FOCAD: variants seen among roughly 807,000 people sequenced by gnomAD.
FOCAD encodes the protein KIAA1797.
In FOCAD, 198 loss-of-function variants were observed where a neutral mutation model predicts 225.6. The ratio of observed to expected loss-of-function variants is 0.88; its 90% CI spans 0.78 to 0.99. FOCAD has a LOEUF of 0.99. Among genes scored for constraint, FOCAD ranks in the 50% least tolerant of loss-of-function variants. The probability of loss-of-function intolerance (pLI) is 0.00; values close to 1 mark genes in which losing one functional copy is unlikely to be tolerated. For synonymous variants in FOCAD, 897 were observed against 755.0 expected (o/e 1.19, Z -3.08); for missense variants, 2,713 against 2,123.6 (o/e 1.28, Z -5.46).
intron 26 of FOCAD, among the ~76,000 whole-genome samples, chr9:20,928,292 ATG>A (rs1554727916): frequency 2.0e-5 from 3 of 152,144 alleles, no homozygotes; most frequent in Non-Finnish European, 4.4e-5. Context: ...ACTTTATTTC[ATG>A]TGTGCTACCA....
upstream of FOCAD, among the ~76,000 whole-genome samples, chr9:20,682,371 A>C (rs28661949): frequency 0.037 from 5,590 of 152,282 alleles, 358 homozygotes; most frequent in African/African-American, 0.13. Context: ...TTACTCATTG[A>C]GCACCAGGGT....
chr9:20,946,825 G>T lies in FOCAD; in HGVS notation c.3675+5G>T. 1 of 1,613,194 alleles carries T rather than the reference G, an allele frequency of 6.2e-7. No homozygotes were observed. Among genetic ancestry groups the T allele is most frequent in the South Asian group, 1.1e-5 (1 of 91,000 alleles). On this transcript the variant is annotated splice_donor_5th_base_variant and intron_variant, in intron 30 of 43. Coordinates refer to ENST00000338382, the MANE Select transcript of FOCAD (RefSeq NM_001375567.1). ...TTAGTGGAGAATAGCCAGCAGGTTG[G>T]AACGTGTGCCCTGATTATTTCTCTC...
At chr9:20,756,325 C>T (rs1829046851) in intron 5 of FOCAD, among the ~76,000 whole-genome samples, 1 of 151,958 alleles carries the variant, frequency 6.6e-6, no homozygotes, top group South Asian at 2.1e-4. Context: ...AGTGTTATAC[C>T]CACAAACTGT....
In FOCAD at chr9:20,708,645, C is replaced by T. The variant is rs1002481895; in HGVS notation, c.-32-6677C>T. 2.6e-5 allele frequency among the ~76,000 whole-genome samples: 4 copies of T among 151,974 alleles called. No individual in the cohort carries two copies. The East Asian group carries it at 7.7e-4, about 29-fold the overall frequency. The stretch of plus-strand genomic sequence containing the variant: ...AAAACTTTAGCCAGGCACGGTGGTG[C>T]ATGCCTGTAGTCCCAGCTACTTGGA... On this transcript the variant is annotated intron_variant, in intron 1 of 43. Transcript: ENST00000338382.
rs1474170242 is a variant in FOCAD, at chr9:20,789,665, T to C, written c.1455+57T>C. On this transcript the variant is annotated intron_variant, in intron 11 of 43. Transcript: ENST00000338382. The stretch of plus-strand genomic sequence containing the variant: ...GAGGAAAGCTTAATCATTGGAAATG[T>C]AGATTATTCCTGCTTTGTGGATTAT... 1.9e-6 allele frequency: 3 copies of C among 1,587,706 alleles called. No homozygotes were observed. In the African/African-American group the frequency reaches 4.0e-5, roughly 21 times the overall value.
intron 1 of FOCAD, among the ~76,000 whole-genome samples, chr9:20,714,380 G>A (rs956171975): frequency 6.6e-6 from 1 of 151,978 alleles, no homozygotes; most frequent in Non-Finnish European, 1.5e-5. Flanking sequence ...AGGGAACTTG[G>A]TTTTTCTGCT....
intron 22 of FOCAD, among the ~76,000 whole-genome samples, chr9:20,911,099 C>G (rs1833401097): frequency 6.6e-6 from 1 of 152,072 alleles, no homozygotes; most frequent in South Asian, 2.1e-4. Context: ...AGAAGCATAA[C>G]TGAGACAGGC....
At chr9:20,843,155 T>A (rs576919671) in intron 15 of FOCAD, among the ~76,000 whole-genome samples, 155 of 152,172 alleles carry the variant, frequency 1.0e-3, no homozygotes, top group Admixed American at 9.2e-3. Context: ...AGAATTACAA[T>A]ATTATAATGT....
Position 20,778,567 on chromosome 9 carries a change from G to C in FOCAD, c.907-114G>C, listed in dbSNP as rs554492300. ...GCACACTTGCTGTATAAATAAATTT[G>C]TGTAATAGGCTTGCAGTCTTTCATA... is the stretch of plus-strand genomic sequence containing the variant. On this transcript the variant is annotated intron_variant, in intron 8 of 43. Coordinates refer to ENST00000338382, the MANE Select transcript of FOCAD (RefSeq NM_001375567.1). The C allele has an allele frequency of 5.0e-6, 3 of 595,440 alleles. No individual in the cohort carries two copies. In the African/African-American group the frequency reaches 5.5e-5, roughly 11 times the overall value. 36.9% of individuals were successfully genotyped at this position (595,440 alleles called of 1,614,324 possible). A position where few individuals can be genotyped will look rare whatever the true frequency, so the allele number is the denominator to read the frequency against.
chr9:20,908,247 C>T (rs1833149141), intron 22 of FOCAD, among the ~76,000 whole-genome samples: 1 of 151,938 alleles, frequency 6.6e-6, no homozygotes, highest in Non-Finnish European at 1.5e-5. Flanking sequence ...TCCGTGAAGG[C>T]TTAAAAGTGA....
At chr9:20,834,289 G>A (rs554733853) in intron 15 of FOCAD, among the ~76,000 whole-genome samples, 1 of 152,038 alleles carries the variant, frequency 6.6e-6, no homozygotes, top group African/African-American at 2.4e-5. Flanking sequence ...ACACACACTG[G>A]GGTCTGTTGT....
intron 15 of FOCAD, among the ~76,000 whole-genome samples, chr9:20,845,919 A>G (rs571673892): frequency 6.6e-6 from 1 of 152,282 alleles, no homozygotes; most frequent in South Asian, 2.1e-4. Context: ...TTATCTGAGG[A>G]TAAACTATAT....
In FOCAD at chr9:20,988,339, G is replaced by C; in HGVS notation, c.4914G>C (p.Leu1638Phe). ...ATACCCTTTTCATTTCAGGCGTTTTGAAGAGAATGGAGTGGCTCTTGGAAC... is the reference window on the plus strand; with the variant it reads ...ATACCCTTTTCATTTCAGGCGTTTTCAAGAGAATGGAGTGGCTCTTGGAAC... The part of the protein sequence containing the change: ...RIVSHANTGV[L>F]KRMEWLLELM... The change falls in exon 41 of 44, where the codon TTG becomes TTC. Residue 1638 changes from leucine (L) to phenylalanine (F), a missense_variant. By Grantham distance (22) the Leu-to-Phe change is conservative. Transcript: ENST00000338382. 6.2e-7 allele frequency: 1 copy of C among 1,602,822 alleles called. No individual in the cohort carries two copies. Among genetic ancestry groups the C allele is most frequent in the Non-Finnish European group, 8.5e-7 (1 of 1,173,902 alleles).
chr9:20,721,250 GC>G (rs1825744823), intron 4 of FOCAD, among the ~76,000 whole-genome samples: 1 of 152,084 alleles, frequency 6.6e-6, no homozygotes, highest in African/African-American at 2.4e-5. Context: ...TTGGGCTTTT[GC>G]CCCCTTCCCT....
upstream of FOCAD, among the ~76,000 whole-genome samples, chr9:20,655,639 T>A (rs1821464390): frequency 6.6e-6 from 1 of 152,228 alleles, no homozygotes. Flanking sequence ...AAGACATTTT[T>A]TATTGTGTCT....
At chr9:20,712,683 T>C (rs1418219805) in intron 1 of FOCAD, among the ~76,000 whole-genome samples, 1 of 146,872 alleles carries the variant, frequency 6.8e-6, no homozygotes, top group Non-Finnish European at 1.5e-5. Context: ...AAAAAGTTGC[T>C]CAGATTAAAA....
intron 4 of FOCAD, among the ~76,000 whole-genome samples, chr9:20,725,454 A>G (rs1696311516): frequency 6.6e-6 from 1 of 152,240 alleles, no homozygotes; most frequent in African/African-American, 2.4e-5. Context: ...GTGGATAGAA[A>G]AAGCCAATAG....
intron 36 of FOCAD, among the ~76,000 whole-genome samples, 175 bp from the exon 37 acceptor site, chr9:20,978,164 A>G (rs772934173): frequency 6.6e-6 from 1 of 152,216 alleles, no homozygotes; most frequent in East Asian, 1.9e-4. Flanking sequence ...ATGCCATTGG[A>G]CATGTTATTT....
At chr9:20,765,625 C>A (rs1052096458) in intron 7 of FOCAD, among the ~76,000 whole-genome samples, 1 of 152,216 alleles carries the variant, frequency 6.6e-6, no homozygotes, top group South Asian at 2.1e-4. Flanking sequence ...TACATATATT[C>A]TTACAATTCA....
Sources: allele counts gnomAD v4.1 joint callset (sites outside exome capture counted in the v4.1 genomes callset), GRCh38; gene constraint gnomAD v4.1.1; transcripts MANE v1.5; gene names NCBI Gene and HGNC (gene_info 2026-07-23, HGNC 2026-07-21).